The following NBPF3 variants were observed in gnomAD, a reference collection of about 807,000 sequenced individuals.
NBPF3 encodes NBPF family member NBPF3.
Under a neutral mutation model 78.1 loss-of-function variants are expected in NBPF3, and 57 were observed. The observed-to-expected ratio is 0.73, with a 90% CI of 0.59 to 0.91. The LOEUF (loss-of-function observed/expected upper bound fraction) is 0.91. Among genes scored for constraint, NBPF3 ranks in the 40% least tolerant of loss-of-function variants. The pLI is 0.00. For synonymous variants in NBPF3, 182 were observed against 271.7 expected (o/e 0.67, Z 3.25); for missense variants, 510 against 715.3 (o/e 0.71, Z 3.27).
intron 2 of NBPF3, among the ~76,000 whole-genome samples, chr1:21,465,771 A>G (rs1197964226): frequency 6.6e-6 from 1 of 152,226 alleles, no homozygotes; most frequent in Non-Finnish European, 1.5e-5. Flanking sequence ...CTGACCTTAC[A>G]AGAAAAAGAA....
upstream of NBPF3, chr1:21,437,641 C>T (rs756244931): frequency 2.5e-5 from 8 of 322,540 alleles, no homozygotes; most frequent in South Asian, 3.4e-4. Context: ...TCGCCACTAG[C>T]TACATGTGCC....
rs1642716111 is a variant in NBPF3 at position 21,473,451 on chromosome 1, A to G, written c.806A>G (p.Asn269Ser). ...GAGGAGTGTGCCATCACTTGTTCAA[A>G]TAGCCACCACCCTTGTGAGTCCAAC... ...SLEECAITCS[N>S]SHHPCESNQP... Residue 269 changes from asparagine (N) to serine (S), a missense_variant, in exon 7 of 15, where the codon AAT becomes AGT. By Grantham distance (46) the Asn-to-Ser change is conservative. Around this residue, in one of 5 missense-constraint regions of NBPF3, gnomAD observed 440 missense variants for 478.2 expected, o/e 0.92. Transcript: ENST00000318249. 2.5e-6 allele frequency: 4 copies of G among 1,614,198 alleles called. No homozygotes were observed. Among genetic ancestry groups the G allele is most frequent in the East Asian group, 2.2e-5 (1 of 44,878 alleles).
At chr1:21,479,820 CTGTGTGTGTGTG>C (rs59451117) in intron 10 of NBPF3, among the ~76,000 whole-genome samples, 2 of 102,808 alleles carry the variant, frequency 1.9e-5, no homozygotes, top group African/African-American at 6.7e-5. Flanking sequence ...CTCTCTCTCT[CTGTGTGTGTGTG>C]TGTGTGTGTG....
chr1:21,457,619 G>A (rs866177255), intron 2 of NBPF3, among the ~76,000 whole-genome samples: 3 of 152,110 alleles, frequency 2.0e-5, no homozygotes, highest in Non-Finnish European at 2.9e-5. Context: ...AATTAAAAAG[G>A]CTGAAAATAG....
chr1:21,449,824 C>T (rs1641201027), intron 2 of NBPF3: 2 of 400,244 alleles, frequency 5.0e-6, no homozygotes, highest in Non-Finnish European at 6.8e-6. Flanking sequence ...CCACACTCCT[C>T]GCATGCCTGA....
chr1:21,447,398 G>A (rs1473309419), intron 2 of NBPF3, among the ~76,000 whole-genome samples: 1 of 152,138 alleles, frequency 6.6e-6, no homozygotes, highest in African/African-American at 2.4e-5. Context: ...AAAATTCCCT[G>A]TGCGTCACCA....
chr1:21,471,923 C>T, intron 5 of NBPF3, 140 bp downstream of exon 5: 1 of 1,210,572 alleles, frequency 8.3e-7, no homozygotes, highest in Non-Finnish European at 1.2e-6. Context: ...GTGACATAAC[C>T]AGGACTTCCT....
rs537750147 is a variant in NBPF3, at chr1:21,464,788, G to A, written c.134-3900G>A. Among the ~76,000 whole-genome samples the A allele has an allele frequency of 1.3e-3, 193 of 151,954 alleles. 4 individuals are homozygous for A. Among genetic ancestry groups the A allele is most frequent in the Middle Eastern group, 3.4e-3 (1 of 290 alleles). ...TTTTGGAGAACTAGGTGGAAGGATC[G>A]CTTGAGGCCAGAAGTTCAAAACCAG... On this transcript the variant is annotated intron_variant, in intron 2 of 14. Coordinates refer to ENST00000318249, the MANE Select transcript of NBPF3 (RefSeq NM_032264.6).
intron 1 of NBPF3, among the ~76,000 whole-genome samples, 187 bp downstream of exon 1, chr1:21,440,535 C>T (rs1391630562): frequency 6.6e-6 from 1 of 152,166 alleles, no homozygotes; most frequent in African/African-American, 2.4e-5. Context: ...CTGCCGCTGC[C>T]GCCCTCAGCC....
chr1:21,470,476 G>A (rs1194073539), intron 3 of NBPF3, among the ~76,000 whole-genome samples, 156 bp from the exon 4 acceptor site: 1 of 152,190 alleles, frequency 6.6e-6, no homozygotes, highest in Admixed American at 6.5e-5. Context: ...CCAGTAAGTC[G>A]GGAGACTGAA....
intron 2 of NBPF3, among the ~76,000 whole-genome samples, chr1:21,455,468 T>C (rs916446324): frequency 1.3e-5 from 2 of 152,230 alleles, no homozygotes; most frequent in Non-Finnish European, 2.9e-5. Flanking sequence ...GAATAAATCA[T>C]ATCAGACTAA....
intron 1 of NBPF3, chr1:21,440,786 G>T (rs1042003317): frequency 6.6e-6 from 1 of 152,450 alleles, no homozygotes; most frequent in African/African-American, 2.4e-5. Context: ...TGCTCCTGGC[G>T]GTGTCTCCAG....
At chr1:21,458,481 A>G (rs978704019) in intron 2 of NBPF3, among the ~76,000 whole-genome samples, 14 of 151,706 alleles carry the variant, frequency 9.2e-5, no homozygotes, top group African/African-American at 3.4e-4. Flanking sequence ...GATGCTCATG[A>G]TAGTTTCTTC....
rs1640883185 is a variant in NBPF3, at chr1:21,445,044, T to C, written c.-43T>C. The C allele has an allele frequency of 2.5e-6, 4 of 1,587,878 alleles. No homozygotes were observed. Among genetic ancestry groups the C allele is most frequent in the South Asian group, 2.2e-5 (2 of 88,914 alleles). On this transcript the variant is annotated 5_prime_UTR_variant, in exon 2 of 15. Coordinates refer to ENST00000318249, the MANE Select transcript of NBPF3 (RefSeq NM_032264.6). ...GTCCCTTGCCGTCCTCCTGAGGGTA[T>C]CTGGAGCTTCAGTGCTGTGTGCTCT...
intron 2 of NBPF3, among the ~76,000 whole-genome samples, chr1:21,466,652 C>T (rs1162408039): frequency 2.0e-5 from 3 of 152,242 alleles, no homozygotes; most frequent in Admixed American, 6.5e-5. Context: ...TCTAGGAGGT[C>T]ACACCTCTGT....
intron 2 of NBPF3, among the ~76,000 whole-genome samples, chr1:21,450,933 A>C (rs4654747): frequency 0.66 from 100,000 of 152,154 alleles, 34,473 homozygotes; most frequent in South Asian, 0.87. Flanking sequence ...AAAGAAGTCA[A>C]TGACCCAAAA....
intron 2 of NBPF3, chr1:21,446,508 ACT>A (rs1407101725): frequency 2.3e-5 from 2 of 86,512 alleles, no homozygotes; most frequent in Admixed American, 1.5e-4. Flanking sequence ...CTTCCCTCCA[ACT>A]CTCTTTCTCT....
At chr1:21,436,834 G>A, upstream of NBPF3, 1 of 975,346 alleles carries the variant, frequency 1.0e-6, no homozygotes, top group Non-Finnish European at 1.3e-6. This position sits in a 1 kb window ranked among gnomAD's most constrained non-coding sequence, Gnocchi z 4.3. Flanking sequence ...GAGCGTTCTG[G>A]GTGCAGCCAG....
chr1:21,446,574 C>T, intron 2 of NBPF3: 1 of 126,572 alleles, frequency 7.9e-6, no homozygotes, highest in South Asian at 3.0e-4. Context: ...CTTCCTCCTT[C>T]CCTCCCTCCC....
Sources: allele counts gnomAD v4.1 joint callset (sites outside exome capture counted in the v4.1 genomes callset), GRCh38; gene constraint gnomAD v4.1.1; regional missense constraint gnomAD v4.1.1; non-coding constraint Gnocchi (gnomAD v3.1); transcripts MANE v1.5; gene names NCBI Gene and HGNC (gene_info 2026-07-23, HGNC 2026-07-21).